Variants in FHAD1 observed in about 807,000 individuals in gnomAD.
The protein encoded by FHAD1 is forkhead-associated domain-containing protein 1.
In FHAD1, 146 loss-of-function variants were observed where a neutral mutation model predicts 191.3. The observed-to-expected ratio is 0.76, with a 90% CI of 0.67 to 0.88. The LOEUF (loss-of-function observed/expected upper bound fraction) is 0.88, where lower values mean the gene tolerates loss of function less well. Among genes scored for constraint, FHAD1 ranks in the 40% least tolerant of loss-of-function variants. The pLI is 0.00. For missense variants in FHAD1, 1,635 were observed against 1,785.8 expected, an observed-to-expected ratio of 0.92 and a Z score of 1.52; for synonymous variants, 616 against 672.3, an observed-to-expected ratio of 0.92 and a Z score of 1.29.
At chr1:15,336,544 C>T (rs562952237) in intron 14 of FHAD1, among the ~76,000 whole-genome samples, 23 of 152,224 alleles carry the variant, frequency 1.5e-4, no homozygotes, top group Admixed American at 9.2e-4. Flanking sequence ...TTGGCGTCAG[C>T]GGCCTTTCTT....
chr1:15,351,705 A>G (rs930319315), intron 19 of FHAD1, among the ~76,000 whole-genome samples: 2 of 151,842 alleles, frequency 1.3e-5, no homozygotes, highest in Non-Finnish European at 2.9e-5. Flanking sequence ...CGGGGCATGC[A>G]GAAGAGTGTG....
chr1:15,308,597 C>A lies in FHAD1; in HGVS notation c.916-16C>A. On this transcript the variant is annotated splice_polypyrimidine_tract_variant and intron_variant, in intron 6 of 33. Coordinates refer to ENST00000688493, the MANE Select transcript of FHAD1 (RefSeq NM_001391957.1). The stretch of plus-strand genomic sequence containing the variant: ...GTGGGCCAGCCCCCCTCTGACTGTG[C>A]CACCTCCTCCCACAGATCAGTGCCC... 1.9e-6 allele frequency: 3 copies of A among 1,551,352 alleles called. No individual in the cohort carries two copies. The South Asian group carries it at 3.6e-5, about 18-fold the overall frequency.
intron 19 of FHAD1, among the ~76,000 whole-genome samples, chr1:15,351,799 G>T (rs1015918886): frequency 1.4e-5 from 2 of 144,972 alleles, no homozygotes; most frequent in African/African-American, 5.0e-5. Flanking sequence ...GTGAGAAAAA[G>T]CCAGGTCTGC....
intron 32 of FHAD1, among the ~76,000 whole-genome samples, chr1:15,389,567 T>C (rs1703349772): frequency 6.6e-6 from 1 of 151,904 alleles, no homozygotes; most frequent in South Asian, 2.1e-4. Context: ...TCACTAACTT[T>C]GTGATAAATG....
intron 20 of FHAD1, among the ~76,000 whole-genome samples, chr1:15,356,323 T>C (rs1167088393): frequency 6.6e-6 from 1 of 152,218 alleles, no homozygotes; most frequent in Non-Finnish European, 1.5e-5. Flanking sequence ...AGGATCGCAG[T>C]GTCTTCCACA....
intron 11 of FHAD1, chr1:15,324,815 G>A (rs1250516918): frequency 4.0e-6 from 2 of 498,402 alleles, no homozygotes; most frequent in East Asian, 3.3e-5. Context: ...AGCCAATCCC[G>A]GCTCGATGCC....
At chr1:15,356,897 T>C (rs894596435) in intron 20 of FHAD1, among the ~76,000 whole-genome samples, 3 of 152,004 alleles carry the variant, frequency 2.0e-5, no homozygotes, top group Non-Finnish European at 4.4e-5. Context: ...ATTGAATGAT[T>C]TCATGTTGCG....
chr1:15,319,106 AG>A (rs577223710), intron 10 of FHAD1, among the ~76,000 whole-genome samples: 2 of 152,328 alleles, frequency 1.3e-5, no homozygotes, highest in Admixed American at 1.3e-4. Context: ...CTGGGATTAC[AG>A]GTGTGAGACA....
At chr1:15,251,677 C>A in intron 1 of FHAD1, 94 bp from the exon 2 acceptor site, 2 of 975,192 alleles carry the variant, frequency 2.1e-6, no homozygotes, top group Non-Finnish European at 3.1e-6. Flanking sequence ...TTGGACATGA[C>A]TCTGTGGTTA....
chr1:15,282,161 T>C (rs1279575298), intron 3 of FHAD1, among the ~76,000 whole-genome samples: 1 of 152,178 alleles, frequency 6.6e-6, no homozygotes, highest in African/African-American at 2.4e-5. Flanking sequence ...CTGAAGGGTA[T>C]TTTTTAACTT....
intron 5 of FHAD1, among the ~76,000 whole-genome samples, chr1:15,299,810 C>T (rs1037587248): frequency 6.6e-6 from 1 of 152,224 alleles, no homozygotes; most frequent in African/African-American, 2.4e-5. Flanking sequence ...CCTCGGGTAA[C>T]TCATATTGGA....
chr1:15,360,426 T>C, intron 21 of FHAD1, 52 bp from the exon 22 acceptor site: 1 of 1,490,042 alleles, frequency 6.7e-7, no homozygotes, highest in Non-Finnish European at 9.1e-7. Flanking sequence ...ATATTATTGT[T>C]GCCGTCATAC....
chr1:15,295,407 G>C (rs1345009720), intron 4 of FHAD1, among the ~76,000 whole-genome samples: 1 of 152,090 alleles, frequency 6.6e-6, no homozygotes. Context: ...TTAGAGGTTT[G>C]AGACCAACTT....
chr1:15,347,195 G>T (rs1284554040), intron 18 of FHAD1, among the ~76,000 whole-genome samples: 3 of 152,316 alleles, frequency 2.0e-5, no homozygotes, highest in Non-Finnish European at 4.4e-5. Context: ...CCAGGGGTGG[G>T]GATGAGGAGG....
upstream of FHAD1, among the ~76,000 whole-genome samples, chr1:15,245,471 A>C (rs1226103646): frequency 6.6e-6 from 1 of 152,248 alleles, no homozygotes; most frequent in South Asian, 2.1e-4. Context: ...GTGAGTAAAA[A>C]GCTAAAGTAA....
At chr1:15,250,783 G>A (rs148766275) in intron 1 of FHAD1, among the ~76,000 whole-genome samples, 3 of 152,170 alleles carry the variant, frequency 2.0e-5, no homozygotes, top group Non-Finnish European at 4.4e-5. Context: ...AGACTGCAGC[G>A]AGCTATGATT....
intron 22 of FHAD1, among the ~76,000 whole-genome samples, chr1:15,362,157 T>G (rs993433314): frequency 6.6e-6 from 1 of 152,052 alleles, no homozygotes; most frequent in Non-Finnish European, 1.5e-5. Flanking sequence ...CAAATGTTAG[T>G]TGAAGGGATA....
At chr1:15,307,568 G>A (rs539841189) in intron 6 of FHAD1, among the ~76,000 whole-genome samples, 16 of 152,242 alleles carry the variant, frequency 1.1e-4, no homozygotes, top group African/African-American at 3.9e-4. Context: ...AATCATGGGG[G>A]CTGGTCTTTC....
intron 3 of FHAD1, among the ~76,000 whole-genome samples, chr1:15,287,644 G>A (rs1662969673): frequency 6.6e-6 from 1 of 152,186 alleles, no homozygotes; most frequent in Non-Finnish European, 1.5e-5. Context: ...GGGAACTACA[G>A]TTCAAGATGA....
Sources: allele counts gnomAD v4.1 joint callset (sites outside exome capture counted in the v4.1 genomes callset), GRCh38; gene constraint gnomAD v4.1.1; transcripts MANE v1.5; gene names NCBI Gene and HGNC (gene_info 2026-07-23, HGNC 2026-07-21).